Variants in AUTS2 observed in about 807,000 individuals in gnomAD.
The protein encoded by AUTS2 is activator of transcription and developmental regulator AUTS2, also known as autism susceptibility gene 2 protein.
A neutral mutation model predicts 112.4 loss-of-function variants in AUTS2; 17 were observed. That is an observed-to-expected ratio of 0.15 (90% CI 0.10 to 0.23). The LOEUF (loss-of-function observed/expected upper bound fraction) is 0.23, where lower values mean the gene tolerates loss of function less well. AUTS2 is among the 10% of genes least tolerant of loss of function. The pLI is 1.00. For synonymous variants in AUTS2, 751 were observed against 702.7 expected, an observed-to-expected ratio of 1.07 and a Z score of -1.09; for missense variants, 1,510 against 1,701.6, an observed-to-expected ratio of 0.89 and a Z score of 1.98.
At chr7:69,636,238 CT>C (rs1794511491) in intron 1 of AUTS2, among the ~76,000 whole-genome samples, 2 of 152,190 alleles carry the variant, frequency 1.3e-5, no homozygotes, top group African/African-American at 4.8e-5. Context: ...CATACATTAT[CT>C]TTTCTTCTTA....
intron 5 of AUTS2, among the ~76,000 whole-genome samples, chr7:70,486,475 G>A (rs1475354156): frequency 2.0e-5 from 3 of 152,186 alleles, no homozygotes; most frequent in South Asian, 2.1e-4. Context: ...GGTGGCTCAC[G>A]CCTGTAATCC....
chr7:70,654,785 C>T (rs775029914), intron 5 of AUTS2, among the ~76,000 whole-genome samples: 7 of 152,130 alleles, frequency 4.6e-5, no homozygotes, highest in Admixed American at 1.3e-4. Flanking sequence ...TTATCTGTGG[C>T]ACGTTATTTT....
At chr7:70,331,022 G>A (rs1265916299) in intron 4 of AUTS2, among the ~76,000 whole-genome samples, 1 of 152,006 alleles carries the variant, frequency 6.6e-6, no homozygotes, top group Non-Finnish European at 1.5e-5. Flanking sequence ...TTTTTGTTGT[G>A]TCTCTGCCAG....
At chr7:70,423,701 TG>T (rs1795315247) in intron 4 of AUTS2, among the ~76,000 whole-genome samples, 1 of 152,226 alleles carries the variant, frequency 6.6e-6, no homozygotes, top group Non-Finnish European at 1.5e-5. Context: ...CTTTCCTTTT[TG>T]GTTTTTTATC....
At chr7:69,760,646 C>T (rs373425912) in intron 1 of AUTS2, among the ~76,000 whole-genome samples, 1 of 152,204 alleles carries the variant, frequency 6.6e-6, no homozygotes, top group African/African-American at 2.4e-5. Context: ...CATGGTGAAA[C>T]CCCGTCTCTA....
At chr7:70,696,113 A>G (rs1434977566) in intron 5 of AUTS2, among the ~76,000 whole-genome samples, 1 of 152,230 alleles carries the variant, frequency 6.6e-6, no homozygotes, top group African/African-American at 2.4e-5. Flanking sequence ...AACATCCCCA[A>G]GATTCAGACC....
intron 2 of AUTS2, among the ~76,000 whole-genome samples, chr7:69,951,804 A>G (rs145241582): frequency 1.3e-5 from 2 of 152,200 alleles, no homozygotes; most frequent in African/African-American, 4.8e-5. Flanking sequence ...TGAACTATTG[A>G]TATAAGAAAA....
intron 4 of AUTS2, among the ~76,000 whole-genome samples, chr7:70,372,341 A>G (rs890112400): frequency 2.6e-5 from 4 of 152,204 alleles, no homozygotes; most frequent in African/African-American, 9.7e-5. Flanking sequence ...ATATCCTAGT[A>G]CTTTTTTAGG....
intron 6 of AUTS2, among the ~76,000 whole-genome samples, chr7:70,729,450 T>C (rs914098742): frequency 2.6e-5 from 4 of 152,196 alleles, no homozygotes; most frequent in African/African-American, 9.6e-5. Context: ...CTACCTGGAA[T>C]CCCCAGGGGG....
chr7:70,744,618 G>A (rs1248007109), intron 6 of AUTS2, among the ~76,000 whole-genome samples: 1 of 152,174 alleles, frequency 6.6e-6, no homozygotes, highest in African/African-American at 2.4e-5. Flanking sequence ...GCTGCCGGGC[G>A]CATGCCGTTG....
intron 6 of AUTS2, among the ~76,000 whole-genome samples, chr7:70,709,999 G>A (rs1809962209): frequency 6.6e-6 from 1 of 152,156 alleles, no homozygotes; most frequent in South Asian, 2.1e-4. Flanking sequence ...TTGAATACCA[G>A]CTGTTAAGGT....
At chr7:70,730,507 A>G (rs1585586402) in intron 6 of AUTS2, among the ~76,000 whole-genome samples, 2 of 152,300 alleles carry the variant, frequency 1.3e-5, no homozygotes, top group East Asian at 3.9e-4. Flanking sequence ...ATGGTGTCAT[A>G]CAACATGTGA....
intron 1 of AUTS2, among the ~76,000 whole-genome samples, chr7:69,779,189 G>A (rs900091248): frequency 6.6e-6 from 1 of 151,198 alleles, no homozygotes; most frequent in African/African-American, 2.4e-5. Flanking sequence ...GTGCCTGTTT[G>A]TTAGTATGTG....
chr7:70,109,015 A>G (rs1211936804), intron 2 of AUTS2, among the ~76,000 whole-genome samples: 1 of 152,010 alleles, frequency 6.6e-6, no homozygotes, highest in East Asian at 1.9e-4. Flanking sequence ...CTCATCTTAC[A>G]TATTTCCTTT....
At chr7:69,666,982 T>A (rs1796079425) in intron 1 of AUTS2, among the ~76,000 whole-genome samples, 1 of 152,018 alleles carries the variant, frequency 6.6e-6, no homozygotes, top group African/African-American at 2.4e-5. Context: ...CTACTGAAAA[T>A]GGGTAATATA....
At position 70,172,680 on chromosome 7, in the gene AUTS2, C is replaced by T. The variant is rs1808767944; in HGVS notation, c.660+38109C>T. On this transcript the variant is annotated intron_variant, in intron 4 of 18. Transcript: ENST00000342771. ...TTTTGCTTATTTTAATATTTCTCAA[C>T]ACCATAAGCTATTTGCCCAGCTGCA... 2.0e-5 allele frequency among the ~76,000 whole-genome samples: 3 copies of T among 152,344 alleles called. No homozygotes were observed. The South Asian group carries it at 6.2e-4, about 32-fold the overall frequency.
chr7:70,271,945 G>A (rs575218329), intron 4 of AUTS2, among the ~76,000 whole-genome samples: 2 of 152,288 alleles, frequency 1.3e-5, no homozygotes, highest in East Asian at 3.9e-4. Context: ...GATGTGTGCT[G>A]CATACAAAAT....
At chr7:69,821,206 G>A (rs1337534644) in intron 1 of AUTS2, among the ~76,000 whole-genome samples, 1 of 152,164 alleles carries the variant, frequency 6.6e-6, no homozygotes, top group East Asian at 1.9e-4. Flanking sequence ...ATCCAGAGGA[G>A]TAGAGATATG....
chr7:69,899,155 T>C, intron 1 of AUTS2, 131 bp from the exon 2 acceptor site: 1 of 657,344 alleles, frequency 1.5e-6, no homozygotes. Flanking sequence ...GTTTTGGGTC[T>C]TCTCATATCC....
Sources: allele counts gnomAD v4.1 joint callset (sites outside exome capture counted in the v4.1 genomes callset), GRCh38; gene constraint gnomAD v4.1.1; transcripts MANE v1.5; gene names NCBI Gene and HGNC (gene_info 2026-07-23, HGNC 2026-07-21).